SCFD2: variants seen among roughly 807,000 people sequenced by gnomAD.
SCFD2 encodes sec1 family domain-containing protein 2.
In SCFD2, 54 loss-of-function variants were observed where a neutral mutation model predicts 58.9. That is an observed-to-expected ratio of 0.92 (90% confidence interval 0.74 to 1.15). The LOEUF (loss-of-function observed/expected upper bound fraction) is 1.15, where lower values mean the gene tolerates loss of function less well. SCFD2 is among the 50% of genes most tolerant of loss of function. SCFD2 has a pLI of 0.00. For synonymous variants in SCFD2, 321 were observed against 335.9 expected (o/e 0.96, Z 0.49); for missense variants, 805 against 836.6 (o/e 0.96, Z 0.47).
chr4:53,086,701 T>TA (rs1349685981), intron 5 of SCFD2, among the ~76,000 whole-genome samples: 3 of 152,116 alleles, frequency 2.0e-5, no homozygotes, highest in Admixed American at 2.0e-4. Flanking sequence ...TACTCAGCCA[T>TA]AAAAAAGAAT....
chr4:53,330,254 G>T (rs1733393293), intron 2 of SCFD2, among the ~76,000 whole-genome samples: 1 of 151,960 alleles, frequency 6.6e-6, no homozygotes, highest in Non-Finnish European at 1.5e-5. Flanking sequence ...ACGCCACAAA[G>T]ATACTCCTCA....
At chr4:53,157,478 T>C (rs1456832589) in intron 4 of SCFD2, among the ~76,000 whole-genome samples, 1 of 152,182 alleles carries the variant, frequency 6.6e-6, no homozygotes, top group Non-Finnish European at 1.5e-5. Flanking sequence ...GCATGAGGCT[T>C]GATTTTTTTC....
intron 4 of SCFD2, among the ~76,000 whole-genome samples, chr4:53,189,855 C>A (rs1465165319): frequency 6.6e-6 from 1 of 152,170 alleles, no homozygotes; most frequent in African/African-American, 2.4e-5. Flanking sequence ...TTGGCTACAT[C>A]CTTAAGTGTA....
chr4:53,062,887 G>A (rs1352759891), intron 5 of SCFD2, among the ~76,000 whole-genome samples: 1 of 152,072 alleles, frequency 6.6e-6, no homozygotes, highest in Non-Finnish European at 1.5e-5. Context: ...TTAGTCTCTT[G>A]AGTAACAAAG....
At chr4:53,221,330 C>T (rs546572378) in intron 4 of SCFD2, among the ~76,000 whole-genome samples, 4 of 152,310 alleles carry the variant, frequency 2.6e-5, no homozygotes, top group South Asian at 4.1e-4. Flanking sequence ...GATCTAAAGA[C>T]TGAAAATTAA....
chr4:53,213,290 G>A (rs1728683463), intron 4 of SCFD2, among the ~76,000 whole-genome samples: 1 of 152,014 alleles, frequency 6.6e-6, no homozygotes, highest in African/African-American at 2.4e-5. Flanking sequence ...ATTGCTGCAG[G>A]TGTATAGAAA....
At chr4:52,901,587 T>A (rs1213206478) in intron 7 of SCFD2, among the ~76,000 whole-genome samples, 2 of 152,198 alleles carry the variant, frequency 1.3e-5, no homozygotes, top group South Asian at 2.1e-4. Flanking sequence ...TCTGACTATA[T>A]GAATGAGCCA....
chr4:53,065,292 G>T (rs1723629678), intron 5 of SCFD2, among the ~76,000 whole-genome samples: 1 of 151,976 alleles, frequency 6.6e-6, no homozygotes, highest in Non-Finnish European at 1.5e-5. Context: ...ATTACTTCAA[G>T]GATACAGACC....
At chr4:53,235,460 C>G (rs975973964) in intron 4 of SCFD2, among the ~76,000 whole-genome samples, 2 of 152,216 alleles carry the variant, frequency 1.3e-5, no homozygotes, top group African/African-American at 4.8e-5. Flanking sequence ...GAAGATTCTA[C>G]ATTTGAGGAC....
intron 5 of SCFD2, among the ~76,000 whole-genome samples, chr4:52,927,639 C>A (rs1719893600): frequency 6.6e-6 from 1 of 152,132 alleles, no homozygotes; most frequent in South Asian, 2.1e-4. Flanking sequence ...TTAATTAAAT[C>A]TTGCAACTTA....
At chr4:53,164,502 G>A (rs1224770145) in intron 4 of SCFD2, among the ~76,000 whole-genome samples, 1 of 152,154 alleles carries the variant, frequency 6.6e-6, no homozygotes, top group African/African-American at 2.4e-5. Context: ...CTAGAAGTAA[G>A]GGCAGTATTG....
At position 53,074,641 on chromosome 4, in the gene SCFD2, A is replaced by G. The variant is rs117913693; in HGVS notation, c.1561+70692T>C. On this transcript the variant is annotated intron_variant, in intron 5 of 8. Transcript: ENST00000401642. ...GAATGGATGCTGTGTTAGCAGGCAT[A>G]AGAACAACATTCATCTCCTTGTACA... 2.7e-3 allele frequency among the ~76,000 whole-genome samples: 414 copies of G among 152,330 alleles called. 16 individuals carry two copies. The East Asian group carries it at 0.071, about 26-fold the overall frequency.
intron 5 of SCFD2, among the ~76,000 whole-genome samples, chr4:52,983,197 CAT>C (rs768772042): frequency 1.3e-5 from 2 of 152,168 alleles, no homozygotes; most frequent in Non-Finnish European, 2.9e-5. Context: ...TGCCTAGCCA[CAT>C]GAGAGTACCA....
At chr4:53,151,972 G>T (rs1370880827) in intron 4 of SCFD2, among the ~76,000 whole-genome samples, 2 of 152,130 alleles carry the variant, frequency 1.3e-5, no homozygotes, top group African/African-American at 4.8e-5. Context: ...CTCAAAGCAA[G>T]AACTCACTTG....
chr4:53,278,223 C>A (rs560593594), intron 3 of SCFD2, among the ~76,000 whole-genome samples: 3 of 150,832 alleles, frequency 2.0e-5, no homozygotes, highest in Non-Finnish European at 4.4e-5. Context: ...AAATATTAGC[C>A]GGGAGTGGTG....
chr4:52,999,061 T>C (rs1721807127), intron 5 of SCFD2, among the ~76,000 whole-genome samples: 1 of 152,218 alleles, frequency 6.6e-6, no homozygotes, highest in African/African-American at 2.4e-5. Context: ...TAAGGGTTAA[T>C]ACATGGAGTT....
chr4:53,123,038 GCTC>G (rs1725525810), intron 5 of SCFD2, among the ~76,000 whole-genome samples: 1 of 151,880 alleles, frequency 6.6e-6, no homozygotes, highest in Non-Finnish European at 1.5e-5. Flanking sequence ...CTCCCTTACT[GCTC>G]CTATTAAATG....
At chr4:53,232,248 C>T (rs1166248507) in intron 4 of SCFD2, among the ~76,000 whole-genome samples, 3 of 152,084 alleles carry the variant, frequency 2.0e-5, no homozygotes, top group Admixed American at 1.3e-4. Context: ...CTGCACCATC[C>T]CTATGTGGAC....
In SCFD2 at chr4:53,067,036, A is replaced by G. The variant is rs560334225; in HGVS notation, c.1561+78297T>C. Among the ~76,000 whole-genome samples, 7 of 152,166 alleles carry G rather than the reference A, an allele frequency of 4.6e-5. No individual in the cohort carries two copies. The East Asian group carries it at 1.2e-3, about 25-fold the overall frequency. On this transcript the variant is annotated intron_variant, in intron 5 of 8. Transcript: ENST00000401642. The stretch of plus-strand genomic sequence containing the variant: ...TGGAGAGATGAAAGGCAGAGGAAAA[A>G]TAATTATAGTTAATTGGTTAGCCAG...
Sources: gnomAD v4.1 joint callset for allele counts (sites outside exome capture counted in the v4.1 genomes callset) on GRCh38, gnomAD v4.1.1 for gene constraint, MANE v1.5 for transcripts, NCBI Gene and HGNC (gene_info 2026-07-23, HGNC 2026-07-21) for gene names.